The following PAN3 variants were observed in gnomAD, a reference collection of about 807,000 sequenced individuals.
PAN3 encodes poly(A) specific ribonuclease subunit PAN3.
Under a neutral mutation model 96.2 loss-of-function variants are expected in PAN3, and 19 were observed. The observed-to-expected ratio is 0.20, with a 90% CI of 0.14 to 0.29. The LOEUF is 0.29. Ranked by LOEUF, PAN3 falls within the 10% of genes least tolerant of loss-of-function variation. The pLI is 1.00. For missense variants in PAN3, 882 were observed against 1,108.1 expected (o/e 0.80, Z 2.90); for synonymous variants, 433 against 406.6 (o/e 1.06, Z -0.78).
chr13:28,178,001 A>G (rs1875275271), intron 4 of PAN3, 66 bp downstream of exon 4: 8 of 1,412,296 alleles, frequency 5.7e-6, no homozygotes, highest in Admixed American at 3.5e-5. Flanking sequence ...ATTGTTACCT[A>G]TGTAGTGTCA....
intron 4 of PAN3, among the ~76,000 whole-genome samples, chr13:28,189,968 A>C (rs2138188183): frequency 6.6e-6 from 1 of 152,226 alleles, no homozygotes; most frequent in South Asian, 2.1e-4. Flanking sequence ...TTTGAGACAG[A>C]GTCTTGCTCT....
intron 1 of PAN3, among the ~76,000 whole-genome samples, chr13:28,172,397 A>G (rs527699643): frequency 2.6e-5 from 4 of 152,246 alleles, no homozygotes; most frequent in Non-Finnish European, 5.9e-5. Context: ...CGAAGCTTGC[A>G]GTGAGCCGAG....
chr13:28,281,506 T>C, intron 17 of PAN3, 127 bp downstream of exon 17: 1 of 855,526 alleles, frequency 1.2e-6, no homozygotes, highest in African/African-American at 1.7e-5. Flanking sequence ...CTTAAGATTG[T>C]GTTAGCTGTT....
Position 28,288,045 on chromosome 13 carries a change from G to T in PAN3, c.2446G>T (p.Asp816Tyr), listed in dbSNP as rs1381370205. ...CCGTTATCTGTTGAAACTCTTTAGG[G>T]ATCATCTTTTTCATCAGGTGACAGA... ...GDRYLLKLFRDHLFHQVTEAG... is the reference protein window; with the variant it reads ...GDRYLLKLFRYHLFHQVTEAG... Residue 816 changes from aspartate (D) to tyrosine (Y), a missense_variant, in exon 18 of 19, where the codon GAT becomes TAT. Asp to Tyr is a radical substitution (Grantham distance 160). This residue lies in a region of PAN3 where 76 missense variants were observed against 171.7 expected (regional missense o/e 0.44). Transcript: ENST00000380958. 1 of 1,613,660 alleles carries T rather than the reference G, an allele frequency of 6.2e-7. No individual in the cohort carries two copies. Among genetic ancestry groups the T allele is most frequent in the East Asian group, 2.2e-5 (1 of 44,858 alleles).
intron 5 of PAN3, among the ~76,000 whole-genome samples, chr13:28,198,428 A>G (rs1399270498): frequency 6.6e-6 from 1 of 152,232 alleles, no homozygotes; most frequent in East Asian, 1.9e-4. Context: ...AAACTTGTCA[A>G]GAGTTGCTCT....
intron 14 of PAN3, among the ~76,000 whole-genome samples, chr13:28,273,394 G>A (rs1389987003): frequency 6.6e-6 from 1 of 151,882 alleles, no homozygotes; most frequent in Non-Finnish European, 1.5e-5. Flanking sequence ...TTGAGCTCAG[G>A]AGCTGGAGAC....
chr13:28,163,049 A>G (rs1300806795), intron 1 of PAN3, among the ~76,000 whole-genome samples: 1 of 151,844 alleles, frequency 6.6e-6, no homozygotes, highest in African/African-American at 2.4e-5. Flanking sequence ...TGAGCCCAGG[A>G]AGTTTTTTTT....
chr13:28,174,363 C>A lies in PAN3; in HGVS notation c.522C>A (p.Ser174Arg). The part of the protein sequence containing the change: ...TSFIGVNGFG[S>R]PVETKYPLMQ... Reference sequence around the variant, plus strand: ...TTATTGGAGTCAATGGATTTGGAAGCCCTGTAGAAACAAAATATCCCCTGA... The same window carrying A: ...TTATTGGAGTCAATGGATTTGGAAGACCTGTAGAAACAAAATATCCCCTGA... The change falls in exon 2 of 19, where the codon AGC becomes AGA. Residue 174 changes from serine (S) to arginine (R), a missense_variant. This residue lies in a region of PAN3 where 442 missense variants were observed against 422.8 expected (regional missense o/e 1.05). Coordinates refer to ENST00000380958, the MANE Select transcript of PAN3 (RefSeq NM_175854.8). The A allele has an allele frequency of 6.2e-7, 1 of 1,613,168 alleles. No homozygotes were observed. The highest frequency in any genetic ancestry group is 2.2e-5 in the East Asian group (1 of 44,812).
chr13:28,289,907 G>A (rs770199238), intron 18 of PAN3, among the ~76,000 whole-genome samples: 3 of 151,966 alleles, frequency 2.0e-5, no homozygotes, highest in Non-Finnish European at 2.9e-5. Context: ...AAAAGATTGG[G>A]AAAGACAAAA....
At chr13:28,139,552 A>AG (rs1869379699) in intron 1 of PAN3, among the ~76,000 whole-genome samples, 1 of 27,598 alleles carries the variant, frequency 3.6e-5, no homozygotes, top group Non-Finnish European at 6.7e-5. Flanking sequence ...GTGTGTGTGT[A>AG]GGGGGCGGGA....
At chr13:28,279,003 AC>A (rs1887264152) in intron 15 of PAN3, among the ~76,000 whole-genome samples, 1 of 151,998 alleles carries the variant, frequency 6.6e-6, no homozygotes. Flanking sequence ...GAGTAAATAA[AC>A]ATAAAAACCA....
In PAN3 at chr13:28,241,878, T is replaced by C. The variant is rs17086429; in HGVS notation, c.1001-14414T>C. 4.4e-3 allele frequency among the ~76,000 whole-genome samples: 669 copies of C among 151,610 alleles called. 9 individuals are homozygous for C. Among genetic ancestry groups the C allele is most frequent in the African/African-American group, 0.016 (636 of 40,906 alleles). On this transcript the variant is annotated intron_variant, in intron 6 of 18. Transcript: ENST00000380958. ...GGCCTTGTTATTAAGAAGATAATGCTTCACATGTTCTCAAGTCATCTGTTC... is the reference window on the plus strand; with the variant it reads ...GGCCTTGTTATTAAGAAGATAATGCCTCACATGTTCTCAAGTCATCTGTTC...
chr13:28,151,982 A>T (rs1335951193), intron 1 of PAN3, among the ~76,000 whole-genome samples: 2 of 152,228 alleles, frequency 1.3e-5, no homozygotes, highest in Non-Finnish European at 2.9e-5. Context: ...ATGGAACTGT[A>T]TGAGTTCACC....
intron 1 of PAN3, among the ~76,000 whole-genome samples, chr13:28,170,166 A>G (rs1036790154): frequency 2.0e-5 from 3 of 152,214 alleles, no homozygotes; most frequent in Non-Finnish European, 2.9e-5. Flanking sequence ...TTCCTCTGCT[A>G]GGGAGCATAA....
intron 6 of PAN3, among the ~76,000 whole-genome samples, chr13:28,238,755 ATGAAATTAGCTTGAG>A (rs2138485524): frequency 1.3e-5 from 2 of 152,342 alleles, no homozygotes; most frequent in South Asian, 4.1e-4. Context: ...TTTCAGTGTT[ATGAAATTAGCTTGAG>A]CTCTTTAGTT....
At chr13:28,189,378 T>C (rs1876908360) in intron 4 of PAN3, among the ~76,000 whole-genome samples, 1 of 151,966 alleles carries the variant, frequency 6.6e-6, no homozygotes, top group Non-Finnish European at 1.5e-5. Flanking sequence ...TAGCCAGATG[T>C]GGTGGTGGGT....
intron 1 of PAN3, among the ~76,000 whole-genome samples, chr13:28,142,138 T>C (rs1364087257): frequency 6.6e-6 from 1 of 152,210 alleles, no homozygotes; most frequent in Non-Finnish European, 1.5e-5. Context: ...TGGAGATTTC[T>C]TCATAAGGAA....
intron 1 of PAN3, among the ~76,000 whole-genome samples, chr13:28,173,812 A>G (rs1874607094): frequency 6.6e-6 from 1 of 152,162 alleles, no homozygotes; most frequent in Non-Finnish European, 1.5e-5. Flanking sequence ...TCCTATTGCT[A>G]CCTCTGCAGA....
At chr13:28,275,953 T>A (rs1887021651) in intron 14 of PAN3, among the ~76,000 whole-genome samples, 1 of 152,048 alleles carries the variant, frequency 6.6e-6, no homozygotes, top group Non-Finnish European at 1.5e-5. Flanking sequence ...TAAATGTTAT[T>A]TTAGTAATGG....
Sources: gnomAD v4.1 joint callset for allele counts (sites outside exome capture counted in the v4.1 genomes callset) on GRCh38, gnomAD v4.1.1 for gene constraint, gnomAD v4.1.1 regional missense constraint, MANE v1.5 for transcripts, NCBI Gene and HGNC (gene_info 2026-07-23, HGNC 2026-07-21) for gene names.